The following NELFCD variants were observed in gnomAD, a reference collection of about 807,000 sequenced individuals.
NELFCD encodes negative elongation factor C/D.
A neutral mutation model predicts 72.9 loss-of-function variants in NELFCD; 48 were observed. That is an observed-to-expected ratio of 0.66 (90% CI 0.52 to 0.84). NELFCD has a LOEUF of 0.84. NELFCD is among the 40% of genes least tolerant of loss of function. The probability of loss-of-function intolerance (pLI) is 0.00; values close to 1 mark genes in which losing one functional copy is unlikely to be tolerated. For missense variants in NELFCD, 538 were observed against 723.8 expected (o/e 0.74, Z 2.94); for synonymous variants, 297 against 280.6 (o/e 1.06, Z -0.59).
chr20:58,990,700 T>G, intron 7 of NELFCD: 1 of 524,108 alleles, frequency 1.9e-6, no homozygotes, highest in Non-Finnish European at 3.4e-6. Flanking sequence ...TCCTAAGTAT[T>G]TAAAGTGTGT....
intron 6 of NELFCD, 78 bp from the exon 7 acceptor site, chr20:58,989,780 C>T (rs770904830): frequency 7.5e-6 from 12 of 1,608,706 alleles, no homozygotes; most frequent in South Asian, 4.4e-5. Context: ...GGCCCGAGCA[C>T]GGTGGAGGCT....
At position 58,987,705 on chromosome 20, in the gene NELFCD, C is replaced by G. The variant is rs1291260348; in HGVS notation, c.287-3C>G. On this transcript the variant is annotated splice_polypyrimidine_tract_variant and splice_region_variant and intron_variant, in intron 3 of 14. Transcript: ENST00000652272. ...TTGTCTAGTTGCTTTTATTCTCTTT[C>G]AGGTGTTGAGCCAGTGCAGGTTCAG... 1.2e-6 allele frequency: 2 copies of G among 1,612,748 alleles called. No homozygotes were observed. The highest frequency in any genetic ancestry group is 1.7e-6 in the Non-Finnish European group (2 of 1,178,980).
chr20:58,992,871 TG>T (rs921286930), intron 10 of NELFCD, 126 bp from the exon 11 acceptor site: 4 of 604,314 alleles, frequency 6.6e-6, no homozygotes, highest in African/African-American at 1.9e-5. Flanking sequence ...AAAAAAGGGT[TG>T]GGGGGCGTAT....
rs781002424 is a variant in NELFCD at position 58,987,724 on chromosome 20, G to C, written c.303G>C (p.Gln101His). 3.7e-6 allele frequency: 6 copies of C among 1,614,130 alleles called. No individual in the cohort carries two copies. Among genetic ancestry groups the C allele is most frequent in the East Asian group, 4.5e-5 (2 of 44,890 alleles). ...CTCTTTCAGGTGTTGAGCCAGTGCA[G>C]GTTCAGGAAACTGTGGAAAATCACT... ...WLIQTGVEPV[Q>H]VQETVENHLK... The change falls in exon 4 of 15, where the codon CAG becomes CAC. Residue 101 changes from glutamine (Q) to histidine (H), a missense_variant. This residue lies in a region of NELFCD where 355 missense variants were observed against 534.5 expected (regional missense o/e 0.66). Transcript: ENST00000652272.
At chr20:58,988,232 G>A (rs921301961) in intron 4 of NELFCD, among the ~76,000 whole-genome samples, 1 of 152,212 alleles carries the variant, frequency 6.6e-6, no homozygotes, top group African/African-American at 2.4e-5. Context: ...TAGCTGTGAT[G>A]CAGTCTGACC....
intron 1 of NELFCD, among the ~76,000 whole-genome samples, chr20:58,985,334 G>A (rs1378795626): frequency 2.0e-5 from 3 of 152,182 alleles, no homozygotes; most frequent in Admixed American, 6.5e-5. Context: ...GCCTTGTCTT[G>A]TCTTACATTT....
At chr20:58,983,871 G>A (rs909479707) in intron 1 of NELFCD, among the ~76,000 whole-genome samples, 15 of 152,126 alleles carry the variant, frequency 9.9e-5, no homozygotes, top group Admixed American at 5.9e-4. Context: ...GGGAGATTGG[G>A]GAGTCTCATG....
chr20:58,986,015 G>A lies in NELFCD; in HGVS notation c.61-78G>A. On this transcript the variant is annotated intron_variant, in intron 1 of 14. Transcript: ENST00000652272. The surrounding 1 kb of genome is among the most constrained non-coding windows in gnomAD (Gnocchi z 4.4). Reference sequence around the variant, plus strand: ...GTGTAGAATACTTTCAAAATGGGCAGCATTATACGATTTAAGGTGAGATTA... The same window carrying A: ...GTGTAGAATACTTTCAAAATGGGCAACATTATACGATTTAAGGTGAGATTA... The A allele has an allele frequency of 1.1e-6, 1 of 933,448 alleles. No homozygotes were observed. Among genetic ancestry groups the A allele is most frequent in the Non-Finnish European group, 1.8e-6 (1 of 561,040 alleles). The allele number at this position is 933,448 out of a possible 1,614,324, so 57.8% of individuals were successfully genotyped here. A position where few individuals can be genotyped will look rare whatever the true frequency, so the allele number is the denominator to read the frequency against.
chr20:58,984,394 C>T (rs1359576678), intron 1 of NELFCD, among the ~76,000 whole-genome samples: 1 of 152,078 alleles, frequency 6.6e-6, no homozygotes, highest in Admixed American at 6.5e-5. Context: ...AAGACTGAGA[C>T]TTCAGGGGAA....
intron 1 of NELFCD, among the ~76,000 whole-genome samples, chr20:58,982,355 A>C (rs2091741489): frequency 6.6e-6 from 1 of 151,490 alleles, no homozygotes; most frequent in African/African-American, 2.4e-5. Flanking sequence ...AGGGGGTTTC[A>C]CCTTGTTGGC....
At chr20:58,988,802 C>A in intron 4 of NELFCD, 112 bp from the exon 5 acceptor site, 2 of 743,118 alleles carry the variant, frequency 2.7e-6, no homozygotes, top group Non-Finnish European at 4.6e-6. Flanking sequence ...GAACTAGATG[C>A]CCATGGGGAG....
At chr20:58,991,514 T>C in intron 9 of NELFCD, 68 bp downstream of exon 9, 2 of 1,575,032 alleles carry the variant, frequency 1.3e-6, no homozygotes, top group Non-Finnish European at 1.7e-6. Flanking sequence ...TTGATATTAT[T>C]TTGGAATTTT....
chr20:58,987,134 A>G, intron 3 of NELFCD: 2 of 434,180 alleles, frequency 4.6e-6, no homozygotes, highest in South Asian at 2.9e-5. Context: ...TTGTAGAATT[A>G]TAGGATTATA....
intron 9 of NELFCD, 147 bp downstream of exon 9, chr20:58,991,593 C>A: frequency 2.2e-6 from 2 of 902,976 alleles, no homozygotes; most frequent in Non-Finnish European, 3.3e-6. Flanking sequence ...GTAGAGAAAG[C>A]ACTAAACGTC....
At position 58,989,936 on chromosome 20, in the gene NELFCD, G is replaced by C; in HGVS notation, c.736G>C (p.Gly246Arg). Reference protein sequence around the residue: ...MSVLAQEEQGGSAVRRIAQEV... With the variant: ...MSVLAQEEQGRSAVRRIAQEV... ...CGTGCTGGCCCAGGAGGAGCAGGGG[G>C]GCTCCGCTGTGCGCAGGATCGCCCA... Residue 246 changes from glycine (G) to arginine (R), a missense_variant, in exon 7 of 15, where the codon GGC (glycine) becomes CGC (arginine). Transcript: ENST00000652272. The C allele has an allele frequency of 6.2e-7, 1 of 1,614,094 alleles. No homozygotes were observed. The highest frequency in any genetic ancestry group is 8.5e-7 in the Non-Finnish European group (1 of 1,180,042).
rs754830320 is a variant in NELFCD at position 58,990,978 on chromosome 20, C to T, written c.857C>T (p.Ala286Val). The T allele has an allele frequency of 2.5e-6, 4 of 1,614,098 alleles. No homozygotes were observed. Among genetic ancestry groups the T allele is most frequent in the Non-Finnish European group, 3.4e-6 (4 of 1,180,028 alleles). ...GCCTCCTACCCCAGGGCCTGCCAGG[C>T]TCTCGGGGCCATGCTGTCCAAAGGA... ...TAASYPRACQALGAMLSKGAL... is the reference protein window; with the variant it reads ...TAASYPRACQVLGAMLSKGAL... The change falls in exon 8 of 15, where the codon GCT (alanine) becomes GTT (valine). Residue 286 changes from alanine to valine, a missense_variant. By Grantham distance (64) the Ala-to-Val change is moderately conservative (BLOSUM62 0). Transcript: ENST00000652272.
Position 58,991,961 on chromosome 20 carries a change from C to T in NELFCD, c.1170C>T (p.Asn390=), listed in dbSNP as rs372620907. 9.9e-6 allele frequency: 16 copies of T among 1,613,992 alleles called. No individual in the cohort carries two copies. Among genetic ancestry groups the T allele is most frequent in the South Asian group, 1.1e-5 (1 of 91,092 alleles). ...AAACCGTTCACAATTTGTGTTGCAA[C>T]GAGAACAAAGGGGCCTCTGAACTAG... ...AVETVHNLCC[N]ENKGASELVA... Residue 390 remains asparagine (N), a synonymous_variant, in exon 10 of 15, where the codon AAC becomes AAT. Transcript: ENST00000652272.
chr20:58,994,052 GTCGGTGGATGCCCCGCAC>G (rs2091838357), intron 13 of NELFCD, 40 bp from the exon 14 acceptor site: 11 of 1,590,472 alleles, frequency 6.9e-6, no homozygotes, highest in Non-Finnish European at 8.6e-6. Context: ...TCACCCGGAT[GTCGGTGGATGCCCCGCAC>G]TAGTGTGCGG....
At chr20:58,981,844 T>C (rs906742523) in intron 1 of NELFCD, among the ~76,000 whole-genome samples, 2 of 152,214 alleles carry the variant, frequency 1.3e-5, no homozygotes, top group African/African-American at 4.8e-5. Context: ...TGCTTTACTG[T>C]TTTATAAACT....
Sources: gnomAD v4.1 joint callset for allele counts (sites outside exome capture counted in the v4.1 genomes callset) on GRCh38, gnomAD v4.1.1 for gene constraint, gnomAD v4.1.1 regional missense constraint, Gnocchi (gnomAD v3.1) non-coding constraint, MANE v1.5 for transcripts, NCBI Gene and HGNC (gene_info 2026-07-23, HGNC 2026-07-21) for gene names.